Variants in SLC5A4 observed in about 807,000 individuals in gnomAD.
SLC5A4 encodes the protein solute carrier family 5 member 4, also known as probable glucose sensor protein SLC5A4.
A neutral mutation model predicts 70.3 loss-of-function variants in SLC5A4; 55 were observed. The observed-to-expected ratio is 0.78, with a 90% confidence interval of 0.63 to 0.98. SLC5A4 has a LOEUF of 0.98. Among genes scored for constraint, SLC5A4 ranks in the 50% least tolerant of loss-of-function variants. The probability of loss-of-function intolerance (pLI) is 0.00; values close to 1 mark genes in which losing one functional copy is unlikely to be tolerated. For synonymous variants in SLC5A4, 268 were observed against 305.7 expected (o/e 0.88, Z 1.29); for missense variants, 735 against 839.2 (o/e 0.88, Z 1.53).
At chr22:32,316,167 G>A in the SLC5A4 span, among the ~76,000 whole-genome samples, 1 of 151,322 alleles carries the variant, frequency 6.6e-6, no homozygotes. Context: ...GGATGATGGT[G>A]ATGGTTGCAC....
the SLC5A4 span, among the ~76,000 whole-genome samples, chr22:32,281,555 G>A: frequency 7.9e-5 from 12 of 152,072 alleles, no homozygotes; most frequent in African/African-American, 2.7e-4. Context: ...TTGAGATGGG[G>A]TCTCACTTTG....
chr22:32,239,554 A>ATATATATATATATATATATT (rs1926322052), intron 5 of SLC5A4, among the ~76,000 whole-genome samples: 23 of 16,814 alleles, frequency 1.4e-3, no homozygotes, highest in Admixed American at 6.2e-3. Flanking sequence ...ATATATATAT[A>ATATATATATATATATATATT]TATATATATA....
chr22:32,333,210 A>G, the SLC5A4 span, among the ~76,000 whole-genome samples: 1 of 134,794 alleles, frequency 7.4e-6, no homozygotes, highest in Admixed American at 7.7e-5. Context: ...CCCCCCCAGA[A>G]GACTCAGACC....
chr22:32,330,764 G>A, the SLC5A4 span, among the ~76,000 whole-genome samples: 12 of 111,768 alleles, frequency 1.1e-4, no homozygotes, highest in Admixed American at 9.2e-4. Flanking sequence ...AAGCTCTGGT[G>A]TATGTGTTGG....
chr22:32,225,437 G>A (rs536386163), intron 12 of SLC5A4, among the ~76,000 whole-genome samples: 22 of 152,274 alleles, frequency 1.4e-4, no homozygotes, highest in African/African-American at 4.3e-4. Context: ...ATGTATGTAC[G>A]TAATATTTTG....
the SLC5A4 span, among the ~76,000 whole-genome samples, chr22:32,274,055 T>G: frequency 6.1e-4 from 92 of 151,946 alleles, 1 homozygote; most frequent in African/African-American, 2.2e-3. Context: ...TTTTTTTTTT[T>G]TTGAGACAGA....
At chr22:32,306,672 T>A in the SLC5A4 span, among the ~76,000 whole-genome samples, 1 of 152,282 alleles carries the variant, frequency 6.6e-6, no homozygotes, top group East Asian at 1.9e-4. Flanking sequence ...TGCCGCTGTA[T>A]GCCCTTGTCT....
At chr22:32,329,408 G>A in the SLC5A4 span, among the ~76,000 whole-genome samples, 27 of 152,160 alleles carry the variant, frequency 1.8e-4, no homozygotes, top group Non-Finnish European at 1.9e-4. Flanking sequence ...CATTCACAGC[G>A]GGGCCGCGGA....
Position 32,218,604 on chromosome 22 carries a change from C to G in SLC5A4, c.1890G>C (p.Thr630=). Residue 630 remains threonine (T), a synonymous_variant, in exon 15 of 15, where the codon ACG becomes ACC. Transcript: ENST00000266086. ...EEALSKKLTD[T]SERPSWRTIV... ...TTGTCCTCCACGAGGGCCTCTCAGACGTGTCTGTGAGCTTCTTGCTCAAGG... is the reference window on the plus strand; with the variant it reads ...TTGTCCTCCACGAGGGCCTCTCAGAGGTGTCTGTGAGCTTCTTGCTCAAGG... The G allele has an allele frequency of 6.2e-7, 1 of 1,613,916 alleles. No homozygotes were observed. The highest frequency in any genetic ancestry group is 8.5e-7 in the Non-Finnish European group (1 of 1,179,964).
In SLC5A4 at chr22:32,224,315, C is replaced by T. The variant is rs1925268555; in HGVS notation, c.1617G>A (p.Leu539=). The change falls in exon 13 of 15, where the codon CTG becomes CTA. Residue 539 remains leucine, a synonymous_variant. Transcript: ENST00000266086. ...FSIVLFFGSM[L]VTLGISLLTK... ...TTAAGAGGGAAATTCCCAGGGTGAC[C>T]AGCATGGACCCAAAAAAGAGAACGA... The T allele has an allele frequency of 1.9e-6, 3 of 1,613,908 alleles. No homozygotes were observed. Among genetic ancestry groups the T allele is most frequent in the Non-Finnish European group, 1.7e-6 (2 of 1,179,962 alleles).
At chr22:32,240,790 T>C (rs1260688934) in intron 5 of SLC5A4, among the ~76,000 whole-genome samples, 3 of 152,172 alleles carry the variant, frequency 2.0e-5, no homozygotes, top group African/African-American at 2.4e-5. Context: ...ATCACCCAGA[T>C]AGAAAGTGGT....
intron 5 of SLC5A4, among the ~76,000 whole-genome samples, chr22:32,241,829 A>G (rs992477230): frequency 8.2e-5 from 11 of 134,636 alleles, no homozygotes; most frequent in South Asian, 2.3e-4. Context: ...GTGTGTGTGT[A>G]TATATATATC....
the SLC5A4 span, among the ~76,000 whole-genome samples, chr22:32,339,034 G>T: frequency 5.3e-5 from 8 of 152,136 alleles, no homozygotes; most frequent in Admixed American, 2.0e-4. Context: ...CCCACACATG[G>T]AATCCGGACA....
chr22:32,305,640 G>A, the SLC5A4 span, among the ~76,000 whole-genome samples: 1 of 137,520 alleles, frequency 7.3e-6, no homozygotes, highest in Non-Finnish European at 1.6e-5. Context: ...CTGCTGGCGG[G>A]TGGGGCCAGA....
the SLC5A4 span, among the ~76,000 whole-genome samples, chr22:32,354,665 C>T: frequency 6.6e-6 from 1 of 150,868 alleles, no homozygotes; most frequent in Non-Finnish European, 1.5e-5. Flanking sequence ...CCACGGGCAG[C>T]GCACACCCGA....
At chr22:32,331,347 A>G in the SLC5A4 span, among the ~76,000 whole-genome samples, 1 of 152,028 alleles carries the variant, frequency 6.6e-6, no homozygotes, top group African/African-American at 2.4e-5. Flanking sequence ...GCAAAATGGC[A>G]AGAAAAACGC....
chr22:32,240,990 G>T (rs907509307), intron 5 of SLC5A4, among the ~76,000 whole-genome samples: 1 of 152,198 alleles, frequency 6.6e-6, no homozygotes, highest in South Asian at 2.1e-4. Flanking sequence ...CTCTACATTA[G>T]ACAGAGCAAG....
chr22:32,262,191 A>G, the SLC5A4 span, among the ~76,000 whole-genome samples: 1 of 152,208 alleles, frequency 6.6e-6, no homozygotes, highest in African/African-American at 2.4e-5. Context: ...TATGCCCAAC[A>G]GTGGGATTGC....
chr22:32,254,568 G>T (rs535079394), intron 1 of SLC5A4, among the ~76,000 whole-genome samples: 3 of 152,164 alleles, frequency 2.0e-5, no homozygotes, highest in South Asian at 2.1e-4. Flanking sequence ...ACTTTGGAGG[G>T]CCGAGGCGGG....
Sources: gnomAD v4.1 joint callset for allele counts (sites outside exome capture counted in the v4.1 genomes callset) on GRCh38, gnomAD v4.1.1 for gene constraint, MANE v1.5 for transcripts, NCBI Gene and HGNC (gene_info 2026-07-23, HGNC 2026-07-21) for gene names.